Variants in GRIN2A observed in about 807,000 individuals in gnomAD.
GRIN2A encodes glutamate receptor ionotropic, NMDA 2A.
A neutral mutation model predicts 113.4 loss-of-function variants in GRIN2A; 22 were observed. The ratio of observed to expected loss-of-function variants is 0.19; its 90% CI spans 0.14 to 0.28. The LOEUF (loss-of-function observed/expected upper bound fraction) is 0.28. Among genes scored for constraint, GRIN2A ranks in the 10% least tolerant of loss-of-function variants. GRIN2A has a pLI of 1.00. For missense variants in GRIN2A, 1,502 were observed against 1,887.0 expected, an observed-to-expected ratio of 0.80 and a Z score of 3.78; for synonymous variants, 827 against 738.4, an observed-to-expected ratio of 1.12 and a Z score of -1.94.
At chr16:9,776,909 G>C (rs1020741844) in intron 11 of GRIN2A, among the ~76,000 whole-genome samples, 1 of 152,158 alleles carries the variant, frequency 6.6e-6, no homozygotes, top group Non-Finnish European at 1.5e-5. Context: ...TCTGAGTTCT[G>C]AGTTGTGGTC....
intron 11 of GRIN2A, among the ~76,000 whole-genome samples, chr16:9,781,296 T>G (rs1416138522): frequency 1.3e-5 from 2 of 152,244 alleles, no homozygotes; most frequent in Non-Finnish European, 2.9e-5. Flanking sequence ...CTGTAATGCC[T>G]AATGCTGCTA....
intron 2 of GRIN2A, among the ~76,000 whole-genome samples, chr16:10,176,702 G>A (rs2050154598): frequency 1.5e-5 from 2 of 131,404 alleles, no homozygotes; most frequent in African/African-American, 2.8e-5. Context: ...CCTGTCATGG[G>A]GTGGGGGGAG....
chr16:10,061,903 T>A (rs532294486), intron 2 of GRIN2A, among the ~76,000 whole-genome samples: 6 of 152,316 alleles, frequency 3.9e-5, no homozygotes, highest in African/African-American at 1.4e-4. Context: ...ATGGGACGTA[T>A]TCAGCCAGAG....
intron 2 of GRIN2A, among the ~76,000 whole-genome samples, chr16:9,992,948 G>A (rs951023025): frequency 2.0e-5 from 3 of 152,140 alleles, no homozygotes; most frequent in African/African-American, 7.2e-5. Context: ...GGTGGCGGTG[G>A]CTCACGCCTG....
intron 4 of GRIN2A, among the ~76,000 whole-genome samples, chr16:9,869,149 A>C (rs1325780428): frequency 6.6e-6 from 1 of 151,962 alleles, no homozygotes; most frequent in Non-Finnish European, 1.5e-5. Context: ...GAAATGAACA[A>C]GTTAGCCAGG....
At position 9,765,018 on chromosome 16, in the gene GRIN2A, C is replaced by G. The variant is rs149546008; in HGVS notation, c.2596-70G>C. The G allele has an allele frequency of 7.5e-6, 12 of 1,597,462 alleles. No homozygotes were observed. The African/African-American group carries it at 1.6e-4, about 21-fold the overall frequency. Reference sequence around the variant, plus strand: ...AACATGAAACCACTTTGCACTTGAACTTTACCTGCAAAGGTGAGATTTGCA... The same window carrying G: ...AACATGAAACCACTTTGCACTTGAAGTTTACCTGCAAAGGTGAGATTTGCA... On this transcript the variant is annotated intron_variant, in intron 12 of 12. Coordinates refer to ENST00000330684, the MANE Select transcript of GRIN2A (RefSeq NM_001134407.3).
intron 2 of GRIN2A, among the ~76,000 whole-genome samples, chr16:10,119,983 T>C (rs11641560): frequency 0.84 from 128,287 of 152,142 alleles, 54,898 homozygotes; most frequent in East Asian, 0.92. Flanking sequence ...CAGTCTACCA[T>C]TGATGGGCGT....
At chr16:10,139,328 A>G (rs1202400470) in intron 2 of GRIN2A, among the ~76,000 whole-genome samples, 6 of 152,144 alleles carry the variant, frequency 3.9e-5, no homozygotes, top group Admixed American at 1.3e-4. Context: ...CCCTGTGGGG[A>G]GGCAGGGAGA....
At chr16:9,870,236 G>A (rs1470244996) in intron 4 of GRIN2A, among the ~76,000 whole-genome samples, 4 of 152,162 alleles carry the variant, frequency 2.6e-5, no homozygotes, top group African/African-American at 7.2e-5. Flanking sequence ...GGTTCTGCAC[G>A]ATTAATGCAT....
At chr16:9,946,089 T>A (rs569605771) in intron 2 of GRIN2A, among the ~76,000 whole-genome samples, 1 of 152,174 alleles carries the variant, frequency 6.6e-6, no homozygotes, top group Non-Finnish European at 1.5e-5. Context: ...ACAATGATCA[T>A]TGCTCTTGAA....
intron 2 of GRIN2A, among the ~76,000 whole-genome samples, chr16:9,962,026 T>G (rs1202803725): frequency 1.3e-5 from 2 of 152,152 alleles, no homozygotes; most frequent in Non-Finnish European, 2.9e-5. Flanking sequence ...ATTCCCTATT[T>G]AATAAATGGT....
intron 10 of GRIN2A, among the ~76,000 whole-genome samples, chr16:9,802,422 C>A (rs1415446774): frequency 6.6e-6 from 1 of 152,100 alleles, no homozygotes; most frequent in African/African-American, 2.4e-5. Flanking sequence ...TTATCCTGAG[C>A]AAACTGATGC....
intron 2 of GRIN2A, among the ~76,000 whole-genome samples, chr16:10,109,044 A>G (rs1334900580): frequency 6.6e-6 from 1 of 150,726 alleles, no homozygotes; most frequent in Admixed American, 6.6e-5. Flanking sequence ...AACAAAATTG[A>G]TAAACCTAGG....
chr16:9,970,627 T>C (rs1425770946), intron 2 of GRIN2A: 6 of 74,130 alleles, frequency 8.1e-5, no homozygotes, highest in Non-Finnish European at 9.1e-5. Flanking sequence ...CTTAACTGAC[T>C]GTGAATTTAA....
Position 9,830,047 on chromosome 16 carries a change from C to A in GRIN2A, c.1778-395G>T, listed in dbSNP as rs115971415. On this transcript the variant is annotated intron_variant, in intron 8 of 12. Transcript: ENST00000330684. ...GCATGGGGACTGCTTCCAAATTCAT[C>A]GGATGTGCTATCGTATAAGAACCAT... Among the ~76,000 whole-genome samples, 1,513 of 152,298 alleles carry A rather than the reference C, an allele frequency of 9.9e-3. 19 individuals are homozygous for A. The highest frequency in any genetic ancestry group is 0.034 in the African/African-American group (1,413 of 41,562).
intron 2 of GRIN2A, among the ~76,000 whole-genome samples, chr16:10,132,712 T>G (rs1485353994): frequency 6.6e-6 from 1 of 152,238 alleles, no homozygotes; most frequent in Non-Finnish European, 1.5e-5. Context: ...TTAGTACGTA[T>G]GTCCTAAAGG....
At chr16:9,935,638 G>A (rs1460153017) in intron 3 of GRIN2A, among the ~76,000 whole-genome samples, 1 of 151,818 alleles carries the variant, frequency 6.6e-6, no homozygotes, top group African/African-American at 2.4e-5. Flanking sequence ...ATATTTCAGA[G>A]TGACATAGTA....
At chr16:10,114,564 C>T (rs562747719) in intron 2 of GRIN2A, among the ~76,000 whole-genome samples, 3 of 152,288 alleles carry the variant, frequency 2.0e-5, no homozygotes, top group Admixed American at 6.5e-5. Context: ...AGGCACCGGT[C>T]CCAGCGATCC....
intron 11 of GRIN2A, among the ~76,000 whole-genome samples, chr16:9,789,860 G>C (rs1298044459): frequency 6.6e-6 from 1 of 152,192 alleles, no homozygotes; most frequent in Non-Finnish European, 1.5e-5. Flanking sequence ...CCCCTCCTTG[G>C]GGAAGGCATT....
Sources: allele counts gnomAD v4.1 joint callset (sites outside exome capture counted in the v4.1 genomes callset), GRCh38; gene constraint gnomAD v4.1.1; transcripts MANE v1.5; gene names NCBI Gene and HGNC (gene_info 2026-07-23, HGNC 2026-07-21).